The following ANKFN1 variants were observed in gnomAD, a reference collection of about 807,000 sequenced individuals.
The protein encoded by ANKFN1 is ankyrin repeat and fibronectin type-III domain-containing protein 1.
A neutral mutation model predicts 108.7 loss-of-function variants in ANKFN1; 74 were observed. That is an observed-to-expected ratio of 0.68 (90% CI 0.56 to 0.83). ANKFN1 has a LOEUF of 0.83. ANKFN1 is among the 40% of genes least tolerant of loss of function. The probability of loss-of-function intolerance (pLI) is 0.00; values close to 1 mark genes in which losing one functional copy is unlikely to be tolerated. For missense variants in ANKFN1, 1,505 were observed against 1,382.3 expected, an observed-to-expected ratio of 1.09 and a Z score of -1.41; for synonymous variants, 547 against 516.2, an observed-to-expected ratio of 1.06 and a Z score of -0.81.
At chr17:56,231,074 T>C (rs1023347567) in intron 3 of ANKFN1, among the ~76,000 whole-genome samples, 2 of 152,154 alleles carry the variant, frequency 1.3e-5, no homozygotes, top group African/African-American at 2.4e-5. Flanking sequence ...GCTTTCATTG[T>C]CTGGGCAAAG....
chr17:56,072,177 C>T (rs866888823), intron 4 of ANKFN1, among the ~76,000 whole-genome samples: 3 of 152,184 alleles, frequency 2.0e-5, no homozygotes, highest in Admixed American at 1.3e-4. Flanking sequence ...TATATCTCTT[C>T]TTATTCCTAA....
At chr17:56,170,914 T>C (rs2143567120) in intron 1 of ANKFN1, among the ~76,000 whole-genome samples, 2 of 150,212 alleles carry the variant, frequency 1.3e-5, no homozygotes, top group South Asian at 2.1e-4. Flanking sequence ...CATACACACA[T>C]ACATCCCTAT....
Position 56,210,057 on chromosome 17 carries a change from G to C in ANKFN1, c.-70-2541G>C, listed in dbSNP as rs199782724. Reference sequence around the variant, plus strand: ...TATGTATATTATAGATAGATAGATAGATACATAGATAGATAGATAGATAGA... The same window carrying C: ...TATGTATATTATAGATAGATAGATACATACATAGATAGATAGATAGATAGA... On this transcript the variant is annotated intron_variant, in intron 1 of 20. Coordinates refer to ENST00000682825, the MANE Select transcript of ANKFN1 (RefSeq NM_001370326.1). 9.7e-4 allele frequency among the ~76,000 whole-genome samples: 118 copies of C among 122,170 alleles called. 1 individual carries two copies. Among genetic ancestry groups the C allele is most frequent in the African/African-American group, 3.4e-3 (112 of 32,732 alleles). The allele number at this position is 122,170 out of a possible 152,430, so 80.1% of individuals were successfully genotyped here.
chr17:56,506,990 GT>G (rs1291177923), intron 20 of ANKFN1, among the ~76,000 whole-genome samples: 3 of 152,220 alleles, frequency 2.0e-5, no homozygotes, highest in Admixed American at 2.0e-4. Flanking sequence ...CTGGCTCACA[GT>G]AAGCACTAGG....
intron 4 of ANKFN1, among the ~76,000 whole-genome samples, chr17:56,046,910 C>T (rs1348703995): frequency 2.0e-5 from 3 of 152,184 alleles, no homozygotes; most frequent in East Asian, 3.9e-4. Context: ...TCCTCTCAGC[C>T]TGGGGAAAAT....
intron 1 of ANKFN1, among the ~76,000 whole-genome samples, chr17:56,177,102 G>T (rs535599667): frequency 1.3e-5 from 2 of 152,262 alleles, no homozygotes; most frequent in African/African-American, 4.8e-5. Flanking sequence ...AGGCCCCCCT[G>T]CCCTTTTCTC....
intron 4 of ANKFN1, among the ~76,000 whole-genome samples, chr17:56,089,988 T>C (rs1905382433): frequency 6.6e-6 from 1 of 151,456 alleles, no homozygotes; most frequent in South Asian, 2.1e-4. Context: ...AAAGAAAGCA[T>C]CCATGCTTAC....
At chr17:56,296,726 G>A (rs1567893503) in intron 3 of ANKFN1, among the ~76,000 whole-genome samples, 1 of 151,912 alleles carries the variant, frequency 6.6e-6, no homozygotes, top group Non-Finnish European at 1.5e-5. Context: ...ACAACAAAAC[G>A]GCTGTGAAGC....
chr17:56,181,873 A>G (rs938626479), intron 1 of ANKFN1, among the ~76,000 whole-genome samples: 1 of 152,172 alleles, frequency 6.6e-6, no homozygotes, highest in Admixed American at 6.5e-5. Context: ...TTTTTCCAAT[A>G]GAATGTGCTA....
At chr17:56,069,413 G>A (rs182787041) in intron 4 of ANKFN1, among the ~76,000 whole-genome samples, 15 of 152,280 alleles carry the variant, frequency 9.9e-5, no homozygotes, top group Admixed American at 2.6e-4. Flanking sequence ...ACATTTAAGG[G>A]AGAGGTTGAC....
At chr17:56,346,159 T>G (rs2046093478) in intron 4 of ANKFN1, among the ~76,000 whole-genome samples, 1 of 152,112 alleles carries the variant, frequency 6.6e-6, no homozygotes, top group Non-Finnish European at 1.5e-5. Context: ...CTTTCCACAT[T>G]GCTTGTTTTT....
At chr17:56,102,300 T>A (rs187086272) in intron 4 of ANKFN1, among the ~76,000 whole-genome samples, 14 of 152,326 alleles carry the variant, frequency 9.2e-5, no homozygotes, top group African/African-American at 3.1e-4. Flanking sequence ...ATACGGTCAA[T>A]TATAAATACT....
rs368648799 is a variant in ANKFN1, at chr17:56,458,367, G to A, written c.1557+388G>A. On this transcript the variant is annotated intron_variant, in intron 14 of 20. Coordinates refer to ENST00000682825, the MANE Select transcript of ANKFN1 (RefSeq NM_001370326.1). ...CTTGAAGGACTGTTGCTGCTCTGCC[G>A]TCCTATGCATTAATGAGTATATGAA... is the stretch of plus-strand genomic sequence containing the variant. 1.6e-4 allele frequency among the ~76,000 whole-genome samples: 24 copies of A among 152,070 alleles called. 1 individual carries two copies. Among genetic ancestry groups the A allele is most frequent in the African/African-American group, 3.9e-4 (16 of 41,468 alleles).
At chr17:56,182,002 T>C (rs1183575111) in intron 1 of ANKFN1, among the ~76,000 whole-genome samples, 1 of 152,188 alleles carries the variant, frequency 6.6e-6, no homozygotes, top group Non-Finnish European at 1.5e-5. Flanking sequence ...ATTGTCATTG[T>C]TTTGGGGCAT....
chr17:56,463,371 T>C (rs983646920), intron 14 of ANKFN1, among the ~76,000 whole-genome samples: 2 of 152,314 alleles, frequency 1.3e-5, no homozygotes, highest in East Asian at 3.9e-4. Context: ...CTTCATCATC[T>C]TACTGTGTAG....
chr17:56,398,188 C>T lies in ANKFN1; in HGVS notation c.910+23474C>T, dbSNP rs192400254. Reference sequence around the variant, plus strand: ...CAGAGACTATGCCTATTTAATTCACCGTTACAAACCCAATGAGTAGCCCAG... The same window carrying T: ...CAGAGACTATGCCTATTTAATTCACTGTTACAAACCCAATGAGTAGCCCAG... On this transcript the variant is annotated intron_variant, in intron 8 of 20. Coordinates refer to ENST00000682825, the MANE Select transcript of ANKFN1 (RefSeq NM_001370326.1). 3.3e-3 allele frequency among the ~76,000 whole-genome samples: 501 copies of T among 152,206 alleles called. 2 individuals carry two copies. The highest frequency in any genetic ancestry group is 8.1e-3 in the South Asian group (39 of 4,820).
intron 1 of ANKFN1, among the ~76,000 whole-genome samples, chr17:56,205,007 C>T (rs979967076): frequency 3.3e-5 from 5 of 152,132 alleles, no homozygotes; most frequent in African/African-American, 9.7e-5. Flanking sequence ...ACCCGGGAGG[C>T]GGAGCTAGCA....
At chr17:56,425,215 A>T (rs1473898346) in intron 8 of ANKFN1, among the ~76,000 whole-genome samples, 1 of 152,110 alleles carries the variant, frequency 6.6e-6, no homozygotes, top group South Asian at 2.1e-4. Context: ...TTGGGTTTAC[A>T]TAGAAATTTG....
intron 12 of ANKFN1, 53 bp downstream of exon 12, chr17:56,457,013 G>A: frequency 6.6e-7 from 1 of 1,524,486 alleles, no homozygotes; most frequent in African/African-American, 1.4e-5. Context: ...GAATGCACTG[G>A]TTTTGGTTCT....
Sources: gnomAD v4.1 joint callset for allele counts (sites outside exome capture counted in the v4.1 genomes callset) on GRCh38, gnomAD v4.1.1 for gene constraint, MANE v1.5 for transcripts, NCBI Gene and HGNC (gene_info 2026-07-23, HGNC 2026-07-21) for gene names.